Variants in MYH14 observed in about 807,000 individuals in gnomAD.
The protein encoded by MYH14 is myosin heavy chain 14.
In MYH14, 123 loss-of-function variants were observed where a neutral mutation model predicts 255.5. That is an observed-to-expected ratio of 0.48 (90% CI 0.42 to 0.56). The LOEUF is 0.56. Among genes scored for constraint, MYH14 ranks in the 20% least tolerant of loss-of-function variants. The pLI is 0.00. For missense variants in MYH14, 2,423 were observed against 2,802.3 expected (o/e 0.86, Z 3.06); for synonymous variants, 1,095 against 1,161.2 (o/e 0.94, Z 1.16).
intron 40 of MYH14, among the ~76,000 whole-genome samples, chr19:50,302,796 G>A (rs113967522): frequency 0.058 from 8,777 of 152,070 alleles, 284 homozygotes; most frequent in Middle Eastern, 0.078. Context: ...CAGCTACTCG[G>A]GAGGCTGAGG....
At position 50,309,066 on chromosome 19, in the gene MYH14, A is replaced by C; in HGVS notation, c.5849A>C (p.Glu1950Ala). The stretch of plus-strand genomic sequence containing the variant: ...CGGCAGCTGGAGGAGGCCGAGGAGG[A>C]GGCATCCCGGGCTCAGGCCGGCCGC... ...LKRQLEEAEE[E>A]ASRAQAGRRR... The change falls in exon 42 of 43, where the codon GAG becomes GCG. Residue 1950 changes from glutamate to alanine, a missense_variant. Physicochemically the swap from Glu to Ala is moderately radical, Grantham distance 107 (BLOSUM62 -1). Around this residue, in one of 3 missense-constraint regions of MYH14, gnomAD observed 1,513 missense variants for 1,674.8 expected, o/e 0.90. Transcript: ENST00000642316. 1 of 1,613,764 alleles carries C rather than the reference A, an allele frequency of 6.2e-7. No individual in the cohort carries two copies. Among genetic ancestry groups the C allele is most frequent in the Non-Finnish European group, 8.5e-7 (1 of 1,179,800 alleles).
chr19:50,259,036 G>GT lies in MYH14; in HGVS notation c.2233-107dup, dbSNP rs1458728138. 2.1e-4 allele frequency: 290 copies of GT among 1,402,226 alleles called. 2 individuals are homozygous for GT. The highest frequency in any genetic ancestry group is 3.2e-5 in the Non-Finnish European group (34 of 1,050,722). 86.9% of individuals were successfully genotyped at this position (1,402,226 alleles called of 1,614,324 possible). A position where few individuals can be genotyped will look rare whatever the true frequency, so the allele number is the denominator to read the frequency against. ...GCCTAGAACCGTTCCTAGGCACCTA[G>GT]TAGGTGCTCAGTAAATTACATGTGG... is the stretch of plus-strand genomic sequence containing the variant. On this transcript the variant is annotated intron_variant, in intron 18 of 42. Transcript: ENST00000642316.
chr19:50,284,990 G>C (rs912704543), intron 33 of MYH14: 2 of 144,826 alleles, frequency 1.4e-5, no homozygotes, highest in Non-Finnish European at 3.0e-5. Flanking sequence ...TCTGCTTCCC[G>C]GGTTCAAGCA....
chr19:50,264,727 T>C (rs558875758), intron 22 of MYH14, among the ~76,000 whole-genome samples: 35 of 152,274 alleles, frequency 2.3e-4, no homozygotes, highest in Non-Finnish European at 3.8e-4. Context: ...ATCATAGAGC[T>C]CCAGCCAGAT....
chr19:50,258,871 C>A, intron 18 of MYH14: 1 of 364,852 alleles, frequency 2.7e-6, no homozygotes. Flanking sequence ...TCCCTCCCTG[C>A]GGATCTTTTC....
intron 10 of MYH14, among the ~76,000 whole-genome samples, chr19:50,233,832 C>A (rs1433217901): frequency 4.2e-5 from 3 of 71,358 alleles, no homozygotes; most frequent in African/African-American, 1.5e-4. Context: ...CCCGCCCCAA[C>A]CTTTTTGTTT....
At position 50,280,065 on chromosome 19, in the gene MYH14, T is replaced by C; in HGVS notation, c.4061T>C (p.Leu1354Pro). The change falls in exon 31 of 43, where the codon CTG becomes CCG. Residue 1354 changes from leucine to proline, a missense_variant. Transcript: ENST00000642316. The surrounding 1 kb of genome is among the most constrained non-coding windows in gnomAD (Gnocchi z 4.8). ...GAACTGGAGAATGTGTCTGGGGCGC[T>C]GAACGAGGCTGAGTCCAAAACCATC... ...QAELENVSGA[L>P]NEAESKTIRL... 1 of 1,610,412 alleles carries C rather than the reference T, an allele frequency of 6.2e-7. No homozygotes were observed.
chr19:50,249,020 A>T lies in MYH14; in HGVS notation c.1363A>T (p.Thr455Ser). The T allele has an allele frequency of 6.2e-7, 1 of 1,613,582 alleles. No individual in the cohort carries two copies. The highest frequency in any genetic ancestry group is 8.5e-7 in the Non-Finnish European group (1 of 1,179,774). ...DFALEALAKATYERLFRWLVL... is the reference protein window; with the variant it reads ...DFALEALAKASYERLFRWLVL... ...CGCGCTGGAGGCCCTGGCCAAGGCC[A>T]CCTACGAGCGCCTCTTCCGCTGGCT... is the stretch of plus-strand genomic sequence containing the variant. Residue 455 changes from threonine to serine, a missense_variant, in exon 13 of 43, where the codon ACC becomes TCC. Around this residue, in one of 3 missense-constraint regions of MYH14, gnomAD observed 672 missense variants for 881.8 expected, o/e 0.76. Coordinates refer to ENST00000642316, the MANE Select transcript of MYH14 (RefSeq NM_001145809.2).
chr19:50,250,440 G>A lies in MYH14; in HGVS notation c.1657-75G>A. ...TTATGTCCAAGTGTGACTTATAAGA[G>A]CTAAAAATCAGCAGCCACCTGAGTG... On this transcript the variant is annotated intron_variant, in intron 14 of 42. Transcript: ENST00000642316. The surrounding 1 kb of genome is among the most constrained non-coding windows in gnomAD (Gnocchi z 5.4). 1 of 1,461,424 alleles carries A rather than the reference G, an allele frequency of 6.8e-7. No individual in the cohort carries two copies. The highest frequency in any genetic ancestry group is 9.4e-7 in the Non-Finnish European group (1 of 1,063,276). The allele number at this position is 1,461,424 out of a possible 1,614,324, so 90.5% of individuals were successfully genotyped here.
In MYH14 at chr19:50,252,689, T is replaced by C; in HGVS notation, c.1881T>C (p.Asn627=). 1 of 1,602,120 alleles carries C rather than the reference T, an allele frequency of 6.2e-7. No individual in the cohort carries two copies. Among genetic ancestry groups the C allele is most frequent in the Non-Finnish European group, 8.5e-7 (1 of 1,174,674 alleles). The change falls in exon 16 of 43, where the codon AAT becomes AAC. Residue 627 remains asparagine, a synonymous_variant. Coordinates refer to ENST00000642316, the MANE Select transcript of MYH14 (RefSeq NM_001145809.2). The surrounding 1 kb of genome is among the most constrained non-coding windows in gnomAD (Gnocchi z 4.2). ...TGATGAAAAACATGGACCCTCTGAA[T>C]GACAACGTCGCAGCCTTGCTCCACC... ...EWLMKNMDPL[N]DNVAALLHQS... is the part of the protein sequence containing the mutation.
At position 50,250,475 on chromosome 19, in the gene MYH14, T is replaced by A. The variant is rs1332850310; in HGVS notation, c.1657-40T>A. 1.9e-6 allele frequency: 3 copies of A among 1,589,394 alleles called. No homozygotes were observed. The highest frequency in any genetic ancestry group is 2.7e-5 in the African/African-American group (2 of 74,312). ...AGCAGCCACCTGAGTGTCCAATATG[T>A]GGGGATCTGACTTACTCTCCCCCTG... On this transcript the variant is annotated intron_variant, in intron 14 of 42. Transcript: ENST00000642316. The surrounding 1 kb of genome is among the most constrained non-coding windows in gnomAD (Gnocchi z 5.4).
chr19:50,289,851 C>T (rs1304423544), intron 35 of MYH14, among the ~76,000 whole-genome samples: 1 of 152,088 alleles, frequency 6.6e-6, no homozygotes, highest in Non-Finnish European at 1.5e-5. Context: ...TCCCCACCTG[C>T]CTGCCACTCA....
chr19:50,279,983 G>T (rs190956487), intron 30 of MYH14, 54 bp from the exon 31 acceptor site: 4 of 1,310,070 alleles, frequency 3.1e-6, no homozygotes, highest in Non-Finnish European at 4.3e-6. Context: ...GGCAGATGGG[G>T]TCACTGGGTG....
chr19:50,249,076 C>T lies in MYH14; in HGVS notation c.1419C>T (p.Arg473=), dbSNP rs371946306. The T allele has an allele frequency of 7.8e-5, 126 of 1,606,710 alleles. 1 individual carries two copies. In the African/African-American group the frequency reaches 1.3e-3, roughly 16 times the overall value. ...TGCGCCTCAACCGGGCCTTGGACCG[C>T]AGCCCCCGCCAAGGCGCCTCCTTCC... is the stretch of plus-strand genomic sequence containing the variant. ...LVLRLNRALD[R]SPRQGASFLG... is the part of the protein sequence containing the mutation. The change falls in exon 13 of 43, where the codon CGC becomes CGT. Residue 473 remains arginine (R), a synonymous_variant. Transcript: ENST00000642316.
rs140996260 is a variant in MYH14 at position 50,209,462 on chromosome 19, A to G, written c.-3-901A>G. ...CAGGAGTTCAAGACCTGCCTGGACA[A>G]CATAGTGAGACCCTAATTTCTACAA... On this transcript the variant is annotated intron_variant, in intron 1 of 42. Coordinates refer to ENST00000642316, the MANE Select transcript of MYH14 (RefSeq NM_001145809.2). 1.1e-3 allele frequency among the ~76,000 whole-genome samples: 160 copies of G among 152,112 alleles called. 2 individuals carry two copies. Among genetic ancestry groups the G allele is most frequent in the South Asian group, 2.1e-3 (10 of 4,814 alleles).
rs1490582692 is a variant in MYH14 at position 50,266,977 on chromosome 19, A to G, written c.2795A>G (p.Glu932Gly). ...VQELQQQSAREVGELQGRVAQ... is the reference protein window; with the variant it reads ...VQELQQQSARGVGELQGRVAQ... Reference sequence around the variant, plus strand: ...GAGCTACAGCAGCAGAGCGCCCGCGAAGTTGGGGAGCTCCAGGGCCGAGTG... The same window carrying G: ...GAGCTACAGCAGCAGAGCGCCCGCGGAGTTGGGGAGCTCCAGGGCCGAGTG... Residue 932 changes from glutamate (E) to glycine (G), a missense_variant, in exon 23 of 43, where the codon GAA becomes GGA. Physicochemically the swap from Glu to Gly is moderately conservative, Grantham distance 98. Coordinates refer to ENST00000642316, the MANE Select transcript of MYH14 (RefSeq NM_001145809.2). This position sits in a 1 kb window ranked among gnomAD's most constrained non-coding sequence, Gnocchi z 4.1. 1 of 1,568,620 alleles carries G rather than the reference A, an allele frequency of 6.4e-7. No homozygotes were observed. Among genetic ancestry groups the G allele is most frequent in the African/African-American group, 1.3e-5 (1 of 74,230 alleles).
intron 21 of MYH14, among the ~76,000 whole-genome samples, chr19:50,262,743 G>A (rs2034930827): frequency 6.6e-6 from 1 of 152,126 alleles, no homozygotes. Context: ...GCCAGGCAGA[G>A]GATCCAGGCA....
chr19:50,299,538 T>C (rs2036401304), intron 39 of MYH14, among the ~76,000 whole-genome samples: 2 of 118,238 alleles, frequency 1.7e-5, no homozygotes, highest in Admixed American at 1.2e-4. Context: ...ACCACTGCAC[T>C]CCAGCCTTGG....
chr19:50,257,480 G>T lies in MYH14; in HGVS notation c.2226G>T (p.Glu742Asp). ...SFVRCIVPNH[E>D]KRAGKLEPRL... is the part of the protein sequence containing the mutation. ...TCCGCTGCATTGTCCCCAACCACGA[G>T]AAGAGGGTGAGTGACTCAGCCTGGG... is the stretch of plus-strand genomic sequence containing the variant. The change falls in exon 18 of 43, where the codon GAG becomes GAT. Residue 742 changes from glutamate (E) to aspartate (D), a missense_variant. This residue lies in a region of MYH14 where 672 missense variants were observed against 881.8 expected (regional missense o/e 0.76). Coordinates refer to ENST00000642316, the MANE Select transcript of MYH14 (RefSeq NM_001145809.2). The T allele has an allele frequency of 6.2e-7, 1 of 1,600,666 alleles. No homozygotes were observed. The highest frequency in any genetic ancestry group is 8.5e-7 in the Non-Finnish European group (1 of 1,173,204).
Sources: allele counts gnomAD v4.1 joint callset (sites outside exome capture counted in the v4.1 genomes callset), GRCh38; gene constraint gnomAD v4.1.1; regional missense constraint gnomAD v4.1.1; non-coding constraint Gnocchi (gnomAD v3.1); transcripts MANE v1.5; gene names NCBI Gene and HGNC (gene_info 2026-07-23, HGNC 2026-07-21).